Variants in MED13L observed in about 807,000 individuals in gnomAD.
MED13L encodes the protein mediator of RNA polymerase II transcription subunit 13-like.
MED13L carries 7 observed loss-of-function variants against 220.9 expected under a neutral mutation model. The ratio of observed to expected loss-of-function variants is 0.03; its 90% CI spans 0.02 to 0.06. The LOEUF is 0.06. MED13L is among the 10% of genes least tolerant of loss of function. The probability of loss-of-function intolerance (pLI) is 1.00; values close to 1 mark genes in which losing one functional copy is unlikely to be tolerated. For missense variants in MED13L, 1,965 were observed against 2,760.5 expected (o/e 0.71, Z 6.46); for synonymous variants, 1,011 against 1,015.2 (o/e 1.00, Z 0.08).
chr12:116,160,071 A>G (rs1453770689), intron 2 of MED13L, among the ~76,000 whole-genome samples: 1 of 152,238 alleles, frequency 6.6e-6, no homozygotes, highest in African/African-American at 2.4e-5. Flanking sequence ...ACAGAACAAA[A>G]TAATATAAAC....
rs905789306 is a variant in MED13L, at chr12:116,176,547, A to C, written c.310+60921T>G. ...GAACTGGCCTTGGACAGGGCCTTTG[A>C]CTGTAGTCTCAGTAGGTTAGCAAGG... On this transcript the variant is annotated intron_variant, in intron 2 of 30. Coordinates refer to ENST00000281928, the MANE Select transcript of MED13L (RefSeq NM_015335.5). 5.9e-5 allele frequency among the ~76,000 whole-genome samples: 9 copies of C among 152,186 alleles called. 1 individual carries two copies. Among genetic ancestry groups the C allele is most frequent in the Non-Finnish European group, 1.2e-4 (8 of 68,036 alleles).
chr12:116,167,040 A>G (rs774271177), intron 2 of MED13L, among the ~76,000 whole-genome samples: 3 of 152,202 alleles, frequency 2.0e-5, no homozygotes, highest in Non-Finnish European at 4.4e-5. Context: ...CCATAAATTT[A>G]TATCACAAAA....
intron 9 of MED13L, 119 bp downstream of exon 9, chr12:116,012,678 T>G: frequency 2.5e-6 from 2 of 816,276 alleles, no homozygotes; most frequent in Non-Finnish European, 4.3e-6. Context: ...ACTAATCTTT[T>G]TCTTCTCTAC....
intron 4 of MED13L, among the ~76,000 whole-genome samples, chr12:116,027,745 C>G (rs1157710321): frequency 1.3e-5 from 2 of 152,148 alleles, no homozygotes; most frequent in African/African-American, 4.8e-5. Flanking sequence ...ACTTGCTTAG[C>G]AAGCCATCAA....
intron 1 of MED13L, among the ~76,000 whole-genome samples, chr12:116,265,202 TATTTC>T (rs927534085): frequency 6.6e-6 from 1 of 152,218 alleles, no homozygotes; most frequent in Non-Finnish European, 1.5e-5. Context: ...AAATCACCAT[TATTTC>T]ATTTCTTTAC....
intron 2 of MED13L, among the ~76,000 whole-genome samples, chr12:116,138,619 G>C (rs551412774): frequency 6.6e-6 from 1 of 152,212 alleles, no homozygotes; most frequent in Non-Finnish European, 1.5e-5. Context: ...TGGCCATCAG[G>C]ACAAATCTGG....
chr12:116,076,359 G>A (rs577548375), intron 4 of MED13L, among the ~76,000 whole-genome samples: 1 of 152,088 alleles, frequency 6.6e-6, no homozygotes, highest in African/African-American at 2.4e-5. Context: ...CAACATAGTA[G>A]GACTCTATCT....
At chr12:115,998,440 C>T (rs549009152) in intron 14 of MED13L, among the ~76,000 whole-genome samples, 11 of 152,296 alleles carry the variant, frequency 7.2e-5, no homozygotes, top group African/African-American at 2.2e-4. Flanking sequence ...GCAACTGTAC[C>T]GTGCTGTGCT....
intron 2 of MED13L, among the ~76,000 whole-genome samples, chr12:116,188,538 G>T (rs1881049162): frequency 6.6e-6 from 1 of 152,170 alleles, no homozygotes. Context: ...GAGATAGTCA[G>T]AGATTCACAT....
chr12:116,207,043 T>C (rs918130592), intron 2 of MED13L, among the ~76,000 whole-genome samples: 3 of 151,682 alleles, frequency 2.0e-5, no homozygotes, highest in Admixed American at 6.6e-5. Flanking sequence ...ACAAAGAAAA[T>C]CTCTAGGTAT....
chr12:115,962,440 G>A lies in MED13L; in HGVS notation c.6500+967C>T, dbSNP rs1164678179. ...AATGCTCGCTCACTTGCTACTTACC[G>A]CATGCTGTGGGGCCTGGTTCCTAAC... On this transcript the variant is annotated intron_variant, in intron 30 of 30. Transcript: ENST00000281928. 2.0e-5 allele frequency among the ~76,000 whole-genome samples: 3 copies of A among 152,174 alleles called. No homozygotes were observed. In the East Asian group the frequency reaches 5.8e-4, roughly 29 times the overall value.
chr12:116,260,923 T>C (rs540461517), intron 1 of MED13L, among the ~76,000 whole-genome samples: 1 of 152,364 alleles, frequency 6.6e-6, no homozygotes, highest in South Asian at 2.1e-4. Flanking sequence ...GTAGATGCTC[T>C]AGGTAACAAA....
chr12:115,967,193 A>C lies in MED13L; in HGVS notation c.6226-950T>G, dbSNP rs867271962. Among the ~76,000 whole-genome samples, 11 of 151,660 alleles carry C rather than the reference A, an allele frequency of 7.3e-5. No individual in the cohort carries two copies. The East Asian group carries it at 9.7e-4, about 13-fold the overall frequency. On this transcript the variant is annotated intron_variant, in intron 28 of 30. Coordinates refer to ENST00000281928, the MANE Select transcript of MED13L (RefSeq NM_015335.5). Reference sequence around the variant, plus strand: ...CTCAAAAAAAAAAAAAAAAAAAAAAAAAACCTTCTGTTTGGAAGGAAAAAA... The same window carrying C: ...CTCAAAAAAAAAAAAAAAAAAAAAACAAACCTTCTGTTTGGAAGGAAAAAA...
chr12:116,030,411 G>T (rs1026974606), intron 4 of MED13L, among the ~76,000 whole-genome samples: 19 of 152,130 alleles, frequency 1.2e-4, no homozygotes, highest in African/African-American at 4.6e-4. Flanking sequence ...GACAACAAAA[G>T]TAATACATGT....
intron 4 of MED13L, among the ~76,000 whole-genome samples, chr12:116,064,618 C>T (rs907136467): frequency 5.9e-5 from 9 of 152,176 alleles, no homozygotes; most frequent in Non-Finnish European, 1.5e-5. Context: ...TTCCCAGGGT[C>T]TCATTAATAC....
chr12:116,276,241 AAGAG>A (rs941532849), intron 1 of MED13L, among the ~76,000 whole-genome samples: 11 of 149,958 alleles, frequency 7.3e-5, no homozygotes, highest in Middle Eastern at 6.8e-3. Context: ...AATTATCAGA[AAGAG>A]AGAGCGCGAG....
chr12:116,262,396 T>C (rs1181016901), intron 1 of MED13L, among the ~76,000 whole-genome samples: 1 of 152,224 alleles, frequency 6.6e-6, no homozygotes, highest in Non-Finnish European at 1.5e-5. Flanking sequence ...AATCAATAGA[T>C]ATTTTCTAAA....
chr12:116,088,981 T>C (rs1871958751), intron 4 of MED13L, among the ~76,000 whole-genome samples: 1 of 152,136 alleles, frequency 6.6e-6, no homozygotes, highest in African/African-American at 2.4e-5. Context: ...CCAGATTTTT[T>C]TTAGTAGCAA....
At chr12:116,192,792 G>C (rs1310455112) in intron 2 of MED13L, among the ~76,000 whole-genome samples, 1 of 152,142 alleles carries the variant, frequency 6.6e-6, no homozygotes, top group Non-Finnish European at 1.5e-5. Context: ...TTCAAGACCA[G>C]CCTGGGCAAG....
Sources: allele counts gnomAD v4.1 joint callset (sites outside exome capture counted in the v4.1 genomes callset), GRCh38; gene constraint gnomAD v4.1.1; transcripts MANE v1.5; gene names NCBI Gene and HGNC (gene_info 2026-07-23, HGNC 2026-07-21).